FHIT: variants seen among roughly 807,000 people sequenced by gnomAD.
FHIT encodes bis(5'-adenosyl)-triphosphatase.
In FHIT, 19 loss-of-function variants were observed where a neutral mutation model predicts 17.9. That is an observed-to-expected ratio of 1.06 (90% CI 0.74 to 1.56). FHIT has a LOEUF of 1.56. Among genes scored for constraint, FHIT ranks in the 40% most tolerant of loss-of-function variants. The pLI is 0.00. For missense variants in FHIT, 248 were observed against 189.2 expected (o/e 1.31, Z -1.82); for synonymous variants, 81 against 69.7 (o/e 1.16, Z -0.81).
chr3:60,560,198 G>A (rs1198066849), intron 4 of FHIT, among the ~76,000 whole-genome samples: 3 of 152,168 alleles, frequency 2.0e-5, no homozygotes, highest in Non-Finnish European at 4.4e-5. Context: ...ATCTGCTGCA[G>A]AAGAATGTGG....
chr3:60,751,011 T>C (rs2042455268), intron 4 of FHIT, among the ~76,000 whole-genome samples: 1 of 152,186 alleles, frequency 6.6e-6, no homozygotes, highest in African/African-American at 2.4e-5. Context: ...TCAGGGTCCT[T>C]CCTCCCTGGG....
chr3:60,067,139 T>G (rs571964522), intron 5 of FHIT, among the ~76,000 whole-genome samples: 1 of 152,170 alleles, frequency 6.6e-6, no homozygotes, highest in African/African-American at 2.4e-5. Context: ...AACCTATTCA[T>G]GAACATGAGT....
At chr3:60,166,465 A>G (rs1576236590) in intron 5 of FHIT, among the ~76,000 whole-genome samples, 1 of 152,204 alleles carries the variant, frequency 6.6e-6, no homozygotes, top group African/African-American at 2.4e-5. Context: ...TTAAGTGCTC[A>G]GAACATGTCA....
chr3:61,208,121 G>A (rs2039316308), intron 1 of FHIT, among the ~76,000 whole-genome samples: 3 of 152,070 alleles, frequency 2.0e-5, no homozygotes, highest in Non-Finnish European at 2.9e-5. Flanking sequence ...GTAATTGAGT[G>A]GTTTTGAGTG....
intron 3 of FHIT, among the ~76,000 whole-genome samples, chr3:60,920,190 T>C (rs1254171142): frequency 5.3e-5 from 8 of 152,150 alleles, no homozygotes; most frequent in Non-Finnish European, 1.2e-4. Flanking sequence ...AGCAAATGAA[T>C]AAATGTATGT....
chr3:61,039,926 C>CT (rs2033429100), intron 3 of FHIT, among the ~76,000 whole-genome samples: 1 of 152,296 alleles, frequency 6.6e-6, no homozygotes, highest in East Asian at 1.9e-4. Flanking sequence ...AATATTATTA[C>CT]TAACTTGAAG....
rs991791964 is a variant in FHIT, at chr3:61,229,648, G to A, written c.-213+21653C>T. ...AGAAATACTCATCTCACAGGTCAGA[G>A]ATTAAGGAGGTATGTCAAACGTGCA... On this transcript the variant is annotated intron_variant, in intron 1 of 9. Coordinates refer to ENST00000492590, the MANE Select transcript of FHIT (RefSeq NM_002012.4). Among the ~76,000 whole-genome samples the A allele has an allele frequency of 7.2e-5, 11 of 152,154 alleles. 1 individual carries two copies. The highest frequency in any genetic ancestry group is 2.7e-4 in the African/African-American group (11 of 41,432).
intron 5 of FHIT, among the ~76,000 whole-genome samples, chr3:60,254,506 A>T (rs990811429): frequency 6.6e-6 from 1 of 152,216 alleles, no homozygotes; most frequent in Non-Finnish European, 1.5e-5. Context: ...TTAGCAAAAA[A>T]ATACATAATA....
intron 1 of FHIT, among the ~76,000 whole-genome samples, chr3:61,237,324 T>A (rs1300242482): frequency 1.3e-5 from 2 of 152,228 alleles, no homozygotes; most frequent in Non-Finnish European, 2.9e-5. Flanking sequence ...AATGAGAATC[T>A]TAAGTGTTTA....
intron 5 of FHIT, among the ~76,000 whole-genome samples, chr3:60,388,607 G>A (rs747283603): frequency 3.3e-5 from 5 of 151,976 alleles, no homozygotes; most frequent in South Asian, 4.1e-4. Flanking sequence ...CAAACAAAAC[G>A]AAACCACCAC....
chr3:60,318,456 C>T (rs771703824), intron 5 of FHIT, among the ~76,000 whole-genome samples: 30 of 152,152 alleles, frequency 2.0e-4, no homozygotes, highest in Non-Finnish European at 3.1e-4. Context: ...CAGAAAGAAA[C>T]CAGTTGTTTA....
chr3:60,730,183 T>G (rs937087507), intron 4 of FHIT: 28 of 385,724 alleles, frequency 7.3e-5, no homozygotes, highest in Non-Finnish European at 1.1e-4. Context: ...AATGGCTCTG[T>G]GTATCCTCTC....
intron 4 of FHIT, among the ~76,000 whole-genome samples, chr3:60,581,756 A>T (rs577392654): frequency 6.6e-6 from 1 of 152,100 alleles, no homozygotes; most frequent in South Asian, 2.1e-4. Context: ...TGAGGTTATC[A>T]AAGTCCAAGT....
chr3:60,205,507 G>C (rs1703130493), intron 5 of FHIT, among the ~76,000 whole-genome samples: 1 of 152,134 alleles, frequency 6.6e-6, no homozygotes, highest in Non-Finnish European at 1.5e-5. Flanking sequence ...ATGAGCCAAA[G>C]GATAGAGCCA....
intron 3 of FHIT, among the ~76,000 whole-genome samples, chr3:60,962,139 C>T (rs977721823): frequency 2.6e-5 from 4 of 152,312 alleles, no homozygotes; most frequent in East Asian, 1.9e-4. Context: ...TGAAGAGGTC[C>T]TTCCCATCTC....
At chr3:60,254,314 C>G (rs936274310) in intron 5 of FHIT, among the ~76,000 whole-genome samples, 1 of 152,072 alleles carries the variant, frequency 6.6e-6, no homozygotes, top group Non-Finnish European at 1.5e-5. Flanking sequence ...AAACAGGTAG[C>G]AAAGACCCTA....
At chr3:60,933,590 G>A (rs1191682314) in intron 3 of FHIT, among the ~76,000 whole-genome samples, 1 of 152,118 alleles carries the variant, frequency 6.6e-6, no homozygotes, top group Non-Finnish European at 1.5e-5. Flanking sequence ...GTAGGAAGTT[G>A]AATGTTCTTC....
intron 7 of FHIT, among the ~76,000 whole-genome samples, chr3:60,007,728 T>C (rs537978841): frequency 2.0e-5 from 3 of 152,214 alleles, no homozygotes; most frequent in East Asian, 1.9e-4. Context: ...AGAAGTATGA[T>C]TGGATGATAA....
intron 2 of FHIT, among the ~76,000 whole-genome samples, chr3:61,149,426 T>C (rs1259152211): frequency 6.6e-6 from 1 of 151,778 alleles, no homozygotes; most frequent in Non-Finnish European, 1.5e-5. Context: ...ATAAGTTTAA[T>C]AAATAAAAAT....
Sources: gnomAD v4.1 joint callset for allele counts (sites outside exome capture counted in the v4.1 genomes callset) on GRCh38, gnomAD v4.1.1 for gene constraint, MANE v1.5 for transcripts, NCBI Gene and HGNC (gene_info 2026-07-23, HGNC 2026-07-21) for gene names.